Variants in SLC44A1 observed in about 807,000 individuals in gnomAD.
SLC44A1 encodes choline transporter-like protein 1.
SLC44A1 carries 26 observed loss-of-function variants against 79.3 expected under a neutral mutation model. The observed-to-expected ratio is 0.33, with a 90% CI of 0.24 to 0.46. The LOEUF (loss-of-function observed/expected upper bound fraction) is 0.46. Among genes scored for constraint, SLC44A1 ranks in the 20% least tolerant of loss-of-function variants. The probability of loss-of-function intolerance (pLI) is 1.00; values close to 1 mark genes in which losing one functional copy is unlikely to be tolerated. For synonymous variants in SLC44A1, 263 were observed against 286.2 expected (o/e 0.92, Z 0.82); for missense variants, 688 against 798.1 (o/e 0.86, Z 1.66).
At chr9:105,270,584 C>T (rs895923256) in intron 1 of SLC44A1, among the ~76,000 whole-genome samples, 2 of 152,210 alleles carry the variant, frequency 1.3e-5, no homozygotes, top group Non-Finnish European at 2.9e-5. Flanking sequence ...GATCCTTCGT[C>T]TTTCAGGGCC....
rs567156999 is a variant in SLC44A1 at position 105,405,269 on chromosome 9, C to T, written c.1950+19767C>T. Among the ~76,000 whole-genome samples, 11 of 150,664 alleles carry T rather than the reference C, an allele frequency of 7.3e-5. No individual in the cohort carries two copies. The South Asian group carries it at 1.7e-3, about 23-fold the overall frequency. On this transcript the variant is annotated intron_variant, in intron 15 of 15. Coordinates refer to the SLC44A1 transcript ENST00000374724. ...CGGGGAGGCGGAGGTTGCAGTGAGC[C>T]GAGAATGTGCCACTGCACTCCAGCC...
chr9:105,281,405 TATTTA>T (rs1830347932), intron 1 of SLC44A1, among the ~76,000 whole-genome samples: 1 of 152,338 alleles, frequency 6.6e-6, no homozygotes, highest in African/African-American at 2.4e-5. Context: ...TTTTTGATAT[TATTTA>T]ATTATTGCCT....
At position 105,394,711 on chromosome 9, in the gene SLC44A1, G is replaced by A. The variant is rs987735096; in HGVS notation, c.*5655G>A. ...AACAGTTGAAGATGATGATAAATTA[G>A]CAAACTCAAGGGTAGTCCATAGTTG... On this transcript the variant is annotated 3_prime_UTR_variant, in exon 16 of 16. Coordinates refer to ENST00000374720, the MANE Select transcript of SLC44A1 (RefSeq NM_080546.5). 4.1e-6 allele frequency: 4 copies of A among 985,256 alleles called. No homozygotes were observed. The highest frequency in any genetic ancestry group is 6.2e-5 in the Admixed American group (1 of 16,252). The allele number at this position is 985,256 out of a possible 1,614,324, so 61.0% of individuals were successfully genotyped here.
At chr9:105,405,930 A>G (rs1829023761) in intron 15 of SLC44A1, among the ~76,000 whole-genome samples, 1 of 152,182 alleles carries the variant, frequency 6.6e-6, no homozygotes, top group Non-Finnish European at 1.5e-5. Flanking sequence ...TCCTGCATAT[A>G]CTAGGAAATG....
At position 105,396,738 on chromosome 9, in the gene SLC44A1, A is replaced by G. The variant is rs902845555; in HGVS notation, c.*7682A>G. The stretch of plus-strand genomic sequence containing the variant: ...CTTTTTGTCTTTTTTTTTTTTTGCC[A>G]TTTGCATCCTATTTCATAGTGCCAA... On this transcript the variant is annotated 3_prime_UTR_variant, in exon 16 of 16. Transcript: ENST00000374720. The G allele has an allele frequency of 3.1e-6, 3 of 978,126 alleles. No homozygotes were observed. The highest frequency in any genetic ancestry group is 3.6e-6 in the Non-Finnish European group (3 of 826,906). 60.6% of individuals were successfully genotyped at this position (978,126 alleles called of 1,614,324 possible).
Position 105,261,577 on chromosome 9 carries a change from A to G in SLC44A1, c.36+16673A>G, listed in dbSNP as rs962901796. Among the ~76,000 whole-genome samples, 17 of 152,198 alleles carry G rather than the reference A, an allele frequency of 1.1e-4. 1 individual carries two copies. Among genetic ancestry groups the G allele is most frequent in the Admixed American group, 9.8e-4 (15 of 15,274 alleles). ...AACCGAGAATATCGGTAGAATAAAA[A>G]GAGAATCCCAAGCTGGCTGCATGCT... On this transcript the variant is annotated intron_variant, in intron 1 of 15. Transcript: ENST00000374720.
chr9:105,379,048 G>T (rs1325364657), intron 13 of SLC44A1, among the ~76,000 whole-genome samples: 1 of 152,224 alleles, frequency 6.6e-6, no homozygotes, highest in Non-Finnish European at 1.5e-5. Context: ...GCCAAGGAGG[G>T]TGGATCGCTT....
At chr9:105,245,911 C>A (rs1159065403) in intron 1 of SLC44A1, among the ~76,000 whole-genome samples, 1 of 152,150 alleles carries the variant, frequency 6.6e-6, no homozygotes, top group Admixed American at 6.5e-5. Flanking sequence ...TGTAAATTAC[C>A]TAATTTAGTG....
intron 1 of SLC44A1, among the ~76,000 whole-genome samples, chr9:105,252,251 C>G (rs1026800540): frequency 6.6e-6 from 1 of 152,158 alleles, no homozygotes; most frequent in Admixed American, 6.5e-5. Context: ...GTTTGCTGAC[C>G]CTTGCTCTAG....
intron 13 of SLC44A1, among the ~76,000 whole-genome samples, chr9:105,379,582 A>C (rs1564038655): frequency 6.6e-6 from 1 of 152,184 alleles, no homozygotes; most frequent in Non-Finnish European, 1.5e-5. Flanking sequence ...TAAAACTGTG[A>C]ATTTAAAAAT....
At chr9:105,299,557 T>C (rs1163120601) in intron 2 of SLC44A1, among the ~76,000 whole-genome samples, 1 of 152,252 alleles carries the variant, frequency 6.6e-6, no homozygotes, top group African/African-American at 2.4e-5. Flanking sequence ...AATGTTGATC[T>C]TGATAGAGTG....
intron 13 of SLC44A1, among the ~76,000 whole-genome samples, chr9:105,382,331 G>C (rs769434027): frequency 6.6e-6 from 1 of 152,196 alleles, no homozygotes; most frequent in Non-Finnish European, 1.5e-5. Context: ...AATGCTGCAT[G>C]TGAAATAAGC....
rs140787190 is a variant in SLC44A1, at chr9:105,303,975, C to T, written c.126+4666C>T. Among the ~76,000 whole-genome samples the T allele has an allele frequency of 1.1e-4, 16 of 151,870 alleles. No individual in the cohort carries two copies. The East Asian group carries it at 3.1e-3, about 29-fold the overall frequency. On this transcript the variant is annotated intron_variant, in intron 2 of 15. Coordinates refer to ENST00000374720, the MANE Select transcript of SLC44A1 (RefSeq NM_080546.5). ...GCCATCTAGTAGATAAGTGGTGCCACCAATGGAGATAGAGTATATGGAGGA... is the reference window on the plus strand; with the variant it reads ...GCCATCTAGTAGATAAGTGGTGCCATCAATGGAGATAGAGTATATGGAGGA...
At chr9:105,342,397 A>G (rs2131371309) in intron 4 of SLC44A1, among the ~76,000 whole-genome samples, 1 of 152,270 alleles carries the variant, frequency 6.6e-6, no homozygotes, top group South Asian at 2.1e-4. Context: ...AAGACATAGC[A>G]TATAGAGGGT....
intron 13 of SLC44A1, among the ~76,000 whole-genome samples, chr9:105,378,419 A>G (rs971077550): frequency 6.6e-6 from 1 of 152,138 alleles, no homozygotes; most frequent in Non-Finnish European, 1.5e-5. Context: ...TTTACAGTTG[A>G]GCTGTGCTCA....
intron 1 of SLC44A1, among the ~76,000 whole-genome samples, chr9:105,247,255 T>C (rs1829478557): frequency 6.6e-6 from 1 of 152,222 alleles, no homozygotes; most frequent in East Asian, 1.9e-4. Flanking sequence ...ACTCCACATC[T>C]TCTCCAGCCT....
chr9:105,263,304 T>G (rs890112574), intron 1 of SLC44A1, among the ~76,000 whole-genome samples: 5 of 152,320 alleles, frequency 3.3e-5, no homozygotes, highest in South Asian at 2.1e-4. Context: ...TGTAACTTCA[T>G]TGTTCTGATT....
In SLC44A1 at chr9:105,391,451, C is replaced by T; in HGVS notation, c.*2395C>T. ...ATGTGTAACCATGTCATTTGAGTTG[C>T]AAATTAATTGCCAGGCTGTTTTCCT... On this transcript the variant is annotated 3_prime_UTR_variant, in exon 16 of 16. Coordinates refer to ENST00000374720, the MANE Select transcript of SLC44A1 (RefSeq NM_080546.5). 1.0e-6 allele frequency: 1 copy of T among 985,570 alleles called. No individual in the cohort carries two copies. Among genetic ancestry groups the T allele is most frequent in the Non-Finnish European group, 1.2e-6 (1 of 829,756 alleles). 61.1% of individuals were successfully genotyped at this position (985,570 alleles called of 1,614,324 possible). A position where few individuals can be genotyped will look rare whatever the true frequency, so the allele number is the denominator to read the frequency against.
intron 1 of SLC44A1, among the ~76,000 whole-genome samples, chr9:105,298,332 G>GTTT (rs1564422505): frequency 2.0e-5 from 3 of 151,494 alleles, no homozygotes; most frequent in African/African-American, 7.3e-5. Flanking sequence ...TAGGAATCCC[G>GTTT]TTTTTGTTGT....
Sources: allele counts gnomAD v4.1 joint callset (sites outside exome capture counted in the v4.1 genomes callset), GRCh38; gene constraint gnomAD v4.1.1; transcripts MANE v1.5; gene names NCBI Gene and HGNC (gene_info 2026-07-23, HGNC 2026-07-21).